Variants in DCHS1 observed in about 807,000 individuals in gnomAD.
DCHS1 encodes dachsous cadherin-related 1, also known as protocadherin-16.
Under a neutral mutation model 213.9 loss-of-function variants are expected in DCHS1, and 78 were observed. That is an observed-to-expected ratio of 0.36 (90% CI 0.30 to 0.44). DCHS1 has a LOEUF of 0.44. Ranked by LOEUF, DCHS1 falls within the 20% of genes least tolerant of loss-of-function variation. The pLI, the probability that DCHS1 is intolerant of heterozygous loss-of-function variation, is 1.00. For missense variants in DCHS1, 3,946 were observed against 4,395.9 expected (o/e 0.90, Z 2.89); for synonymous variants, 1,828 against 1,873.7 (o/e 0.98, Z 0.63).
chr11:6,627,388 G>A lies in DCHS1; in HGVS notation c.5651C>T (p.Ala1884Val). The stretch of plus-strand genomic sequence containing the variant: ...GTAGGTCACATGGCCATTAGCTCCA[G>A]CATCAGGGTCATGAGCCTGTAGCTG... The part of the protein sequence containing the change: ...LLQLQAHDPD[A>V]GANGHVTYYL... The change falls in exon 14 of 21, where the codon GCT (alanine) becomes GTT (valine). Residue 1884 changes from alanine to valine, a missense_variant. Physicochemically the swap from Ala to Val is moderately conservative, Grantham distance 64. Around this residue, in one of 3 missense-constraint regions of DCHS1, gnomAD observed 3,384 missense variants for 3,780.1 expected, o/e 0.90. Coordinates refer to ENST00000299441, the MANE Select transcript of DCHS1 (RefSeq NM_003737.4). The surrounding 1 kb of genome is among the most constrained non-coding windows in gnomAD (Gnocchi z 5.4). 1 of 1,608,706 alleles carries A rather than the reference G, an allele frequency of 6.2e-7. No homozygotes were observed. The highest frequency in any genetic ancestry group is 8.5e-7 in the Non-Finnish European group (1 of 1,177,662).
In DCHS1 at chr11:6,640,945, T is replaced by C. The variant is rs918633281; in HGVS notation, c.669A>G (p.Leu223=). 6 of 1,613,884 alleles carry C rather than the reference T, an allele frequency of 3.7e-6. No homozygotes were observed. The highest frequency in any genetic ancestry group is 1.3e-5 in the African/African-American group (1 of 74,928). Residue 223 remains leucine (L), a synonymous_variant, in exon 2 of 21, where the codon CTA becomes CTG. Transcript: ENST00000299441. The surrounding 1 kb of genome is among the most constrained non-coding windows in gnomAD (Gnocchi z 6.5). ...LDRENRSHYM[L]QLEAYDGGSP... is the part of the protein sequence containing the mutation. ...AACCACCATCATAGGCCTCCAGCTG[T>C]AGCATATAGTGTGAGCGGTTCTCTC... is the stretch of plus-strand genomic sequence containing the variant.
chr11:6,634,542 T>C (rs1855961122), intron 2 of DCHS1, among the ~76,000 whole-genome samples: 1 of 152,246 alleles, frequency 6.6e-6, no homozygotes, highest in Non-Finnish European at 1.5e-5. Flanking sequence ...CCTTGTTTGA[T>C]GTGTGTTTCT....
rs748332792 is a variant in DCHS1 at position 6,629,660 on chromosome 11, C to G, written c.5035+12G>C. The G allele has an allele frequency of 2.5e-5, 40 of 1,612,850 alleles. No homozygotes were observed. The highest frequency in any genetic ancestry group is 3.3e-5 in the Admixed American group (2 of 59,844). On this transcript the variant is annotated intron_variant, in intron 11 of 20. Transcript: ENST00000299441. ...GTCCATCCCACTCATAATTCACCCC[C>G]CCAGGTCTTACCCACGTCGGGGTCG...
intron 1 of DCHS1, among the ~76,000 whole-genome samples, chr11:6,648,690 GT>G (rs1206404440): frequency 6.6e-6 from 1 of 152,210 alleles, no homozygotes; most frequent in African/African-American, 2.4e-5. Context: ...GCTGGATTTG[GT>G]TCCCAGTTTC....
At chr11:6,643,542 T>C (rs886996855) in intron 1 of DCHS1, among the ~76,000 whole-genome samples, 1 of 152,180 alleles carries the variant, frequency 6.6e-6, no homozygotes, top group Non-Finnish European at 1.5e-5. Context: ...ATTTCCATCA[T>C]GCTTCCCTGC....
chr11:6,638,956 C>A (rs188815848), intron 2 of DCHS1, among the ~76,000 whole-genome samples: 5 of 152,064 alleles, frequency 3.3e-5, no homozygotes, highest in African/African-American at 1.2e-4. Flanking sequence ...ATTAAAAATA[C>A]AAAAAATTAG....
rs1418689660 is a variant in DCHS1, at chr11:6,629,676, G to T, written c.5031C>A (p.Asp1677Glu). 1.2e-6 allele frequency: 2 copies of T among 1,613,344 alleles called. No individual in the cohort carries two copies. Among genetic ancestry groups the T allele is most frequent in the African/African-American group, 1.3e-5 (1 of 74,932 alleles). ...ATTCACCCCCCCAGGTCTTACCCAC[G>T]TCGGGGTCGGTTGCTCGCAGGGTGA... ...SLLTLRATDP[D>E]VGANGQVTYG... The change falls in exon 11 of 21, where the codon GAC (aspartate) becomes GAA (glutamate). Residue 1677 changes from aspartate to glutamate, a missense_variant. Physicochemically the swap from Asp to Glu is conservative, Grantham distance 45. Around this residue, in one of 3 missense-constraint regions of DCHS1, gnomAD observed 3,384 missense variants for 3,780.1 expected, o/e 0.90. Coordinates refer to ENST00000299441, the MANE Select transcript of DCHS1 (RefSeq NM_003737.4).
chr11:6,640,730 T>C lies in DCHS1; in HGVS notation c.884A>G (p.Asn295Ser), dbSNP rs1389686483. The stretch of plus-strand genomic sequence containing the variant: ...TCCATCACCCTCGCTCTGCCTCCGG[T>C]TGATCTCGTAAGTCACAGCCCCATT... Reference protein sequence around the residue: ...GVNGAVTYEINRRQSEGDGPF... With the variant: ...GVNGAVTYEISRRQSEGDGPF... The change falls in exon 2 of 21, where the codon AAC becomes AGC. Residue 295 changes from asparagine (N) to serine (S), a missense_variant. By Grantham distance (46) the Asn-to-Ser change is conservative. This residue lies in a region of DCHS1 where 3,384 missense variants were observed against 3,780.1 expected (regional missense o/e 0.90). Transcript: ENST00000299441. The surrounding 1 kb of genome is among the most constrained non-coding windows in gnomAD (Gnocchi z 6.5). 6.2e-7 allele frequency: 1 copy of C among 1,613,946 alleles called. No homozygotes were observed. Among genetic ancestry groups the C allele is most frequent in the East Asian group, 2.2e-5 (1 of 44,878 alleles).
intron 1 of DCHS1, among the ~76,000 whole-genome samples, chr11:6,652,653 G>C (rs147158984): frequency 1.2e-3 from 189 of 152,316 alleles, no homozygotes; most frequent in Non-Finnish European, 1.7e-3. Context: ...AAGTAGAAGA[G>C]ACAGCACTTC....
In DCHS1 at chr11:6,641,165, A is replaced by G. The variant is rs1161451620; in HGVS notation, c.449T>C (p.Leu150Pro). The G allele has an allele frequency of 1.9e-6, 3 of 1,613,390 alleles. No homozygotes were observed. The highest frequency in any genetic ancestry group is 2.5e-6 in the Non-Finnish European group (3 of 1,179,862). The change falls in exon 2 of 21, where the codon CTG becomes CCG. Residue 150 changes from leucine to proline, a missense_variant. Around this residue, in one of 3 missense-constraint regions of DCHS1, gnomAD observed 3,384 missense variants for 3,780.1 expected, o/e 0.90. Transcript: ENST00000299441. The surrounding 1 kb of genome is among the most constrained non-coding windows in gnomAD (Gnocchi z 7.1). ...APAFPQARAA[L>P]QVPEHTAFGT... The stretch of plus-strand genomic sequence containing the variant: ...AAAAGCTGTATGCTCAGGTACCTGC[A>G]GGGCAGCCCGAGCCTGTGGGAAGGC...
chr11:6,638,352 G>C (rs1027723324), intron 2 of DCHS1, among the ~76,000 whole-genome samples: 1 of 152,208 alleles, frequency 6.6e-6, no homozygotes, highest in Non-Finnish European at 1.5e-5. Flanking sequence ...AGACATATCA[G>C]ATTTGCTTAG....
chr11:6,643,212 A>T (rs770135306), intron 1 of DCHS1, among the ~76,000 whole-genome samples: 1 of 152,146 alleles, frequency 6.6e-6, no homozygotes, highest in Non-Finnish European at 1.5e-5. Context: ...ACTAAGAAGA[A>T]TCTGTGGATA....
At chr11:6,639,780 C>A (rs1010829503) in intron 2 of DCHS1, 37 bp downstream of exon 2, 2 of 1,527,560 alleles carry the variant, frequency 1.3e-6, no homozygotes. Flanking sequence ...TCTCAGATTC[C>A]CCCAACACTA....
chr11:6,629,745 G>A lies in DCHS1; in HGVS notation c.4962C>T (p.Tyr1654=). ...DEAPTFQQQE[Y]SVLLRENNPP... ...GGTTGTTCTCACGCAAGAGGACGCT[G>A]TACTCCTGCTGCTGGAAAGTAGGCG... The change falls in exon 11 of 21, where the codon TAC becomes TAT. Residue 1654 remains tyrosine (Y), a synonymous_variant. Coordinates refer to ENST00000299441, the MANE Select transcript of DCHS1 (RefSeq NM_003737.4). 1 of 1,613,902 alleles carries A rather than the reference G, an allele frequency of 6.2e-7. No homozygotes were observed. The highest frequency in any genetic ancestry group is 1.6e-4 in the Middle Eastern group (1 of 6,062).
intron 2 of DCHS1, among the ~76,000 whole-genome samples, chr11:6,636,478 G>A (rs58138381): frequency 0.064 from 9,679 of 152,006 alleles, 804 homozygotes; most frequent in African/African-American, 0.19. Flanking sequence ...CCAAAGTGCC[G>A]AGATTACAGG....
rs201690687 is a variant in DCHS1, at chr11:6,639,918, C to T, written c.1696G>A (p.Val566Met). 4.8e-5 allele frequency: 77 copies of T among 1,613,914 alleles called. No individual in the cohort carries two copies. Among genetic ancestry groups the T allele is most frequent in the Admixed American group, 1.2e-4 (7 of 60,008 alleles). ...TTATCATTCACATCTTGCAGGGCCACGCTAACTGTGGCAGAGGAGGCTAGA... is the reference window on the plus strand; with the variant it reads ...TTATCATTCACATCTTGCAGGGCCATGCTAACTGTGGCAGAGGAGGCTAGA... The part of the protein sequence containing the change: ...PPLASSATVS[V>M]ALQDVNDNEP... Residue 566 changes from valine to methionine, a missense_variant, in exon 2 of 21, where the codon GTG becomes ATG. Val to Met is a conservative substitution (Grantham distance 21). This residue lies in a region of DCHS1 where 3,384 missense variants were observed against 3,780.1 expected (regional missense o/e 0.90). Transcript: ENST00000299441.
At position 6,625,333 on chromosome 11, in the gene DCHS1, C is replaced by A; in HGVS notation, c.7011G>T (p.Leu2337=). Residue 2337 remains leucine, a synonymous_variant, in exon 19 of 21, where the codon CTG becomes CTT. Coordinates refer to ENST00000299441, the MANE Select transcript of DCHS1 (RefSeq NM_003737.4). The surrounding 1 kb of genome is among the most constrained non-coding windows in gnomAD (Gnocchi z 5.3). ...YGGRVSLTGP[L]DFEQCDRYQL... is the part of the protein sequence containing the mutation. ...GGTAGCGGTCACACTGCTCAAAGTC[C>A]AGGGGCCCCGTGAGGGAGACACGGC... 1 of 1,613,818 alleles carries A rather than the reference C, an allele frequency of 6.2e-7. No individual in the cohort carries two copies. The highest frequency in any genetic ancestry group is 1.1e-5 in the South Asian group (1 of 91,076).
At chr11:6,634,843 T>C (rs1291311731) in intron 2 of DCHS1, 1 of 152,078 alleles carries the variant, frequency 6.6e-6, no homozygotes, top group Non-Finnish European at 1.5e-5. Flanking sequence ...AGAGCCCAAA[T>C]GAGAAGGCAG....
In DCHS1 at chr11:6,641,472, C is replaced by G; in HGVS notation, c.142G>C (p.Asp48His). Residue 48 changes from aspartate (D) to histidine (H), a missense_variant, in exon 2 of 21, where the codon GAC becomes CAC. Physicochemically the swap from Asp to His is moderately conservative, Grantham distance 81 (BLOSUM62 -1). Transcript: ENST00000299441. This position sits in a 1 kb window ranked among gnomAD's most constrained non-coding sequence, Gnocchi z 7.1. ...GGCTGCTCCTCATCAATCTGCAAGTCCAGGCTCCCAGCCTGACCCCAGGCA... is the reference window on the plus strand; with the variant it reads ...GGCTGCTCCTCATCAATCTGCAAGTGCAGGCTCCCAGCCTGACCCCAGGCA... ...PGAWGQAGSL[D>H]LQIDEEQPAG... 6.3e-7 allele frequency: 1 copy of G among 1,581,702 alleles called. No homozygotes were observed. The highest frequency in any genetic ancestry group is 1.1e-5 in the South Asian group (1 of 87,300).
Sources: allele counts gnomAD v4.1 joint callset (sites outside exome capture counted in the v4.1 genomes callset), GRCh38; gene constraint gnomAD v4.1.1; regional missense constraint gnomAD v4.1.1; non-coding constraint Gnocchi (gnomAD v3.1); transcripts MANE v1.5; gene names NCBI Gene and HGNC (gene_info 2026-07-23, HGNC 2026-07-21).